Variants in FER1L6 observed in about 807,000 individuals in gnomAD.
The protein encoded by FER1L6 is fer-1-like protein 6.
FER1L6 carries 177 observed loss-of-function variants against 219.2 expected under a neutral mutation model. The observed-to-expected ratio is 0.81, with a 90% confidence interval of 0.71 to 0.91. FER1L6 has a LOEUF of 0.91. FER1L6 is among the 40% of genes least tolerant of loss of function. FER1L6 has a pLI of 0.00. For missense variants in FER1L6, 2,153 were observed against 2,259.9 expected, an observed-to-expected ratio of 0.95 and a Z score of 0.96; for synonymous variants, 768 against 824.3, an observed-to-expected ratio of 0.93 and a Z score of 1.17.
intron 39 of FER1L6, among the ~76,000 whole-genome samples, chr8:124,109,001 C>T (rs1167709535): frequency 2.0e-5 from 3 of 152,116 alleles, no homozygotes; most frequent in Admixed American, 1.3e-4. Flanking sequence ...TGAATTTTCA[C>T]AGGAGATTGT....
At chr8:124,109,838 C>T (rs770002051) in intron 39 of FER1L6, among the ~76,000 whole-genome samples, 2 of 152,148 alleles carry the variant, frequency 1.3e-5, no homozygotes, top group Non-Finnish European at 2.9e-5. Flanking sequence ...GAGAAGCAAC[C>T]GGCAACTGCT....
chr8:123,973,058 T>C (rs1341182549), intron 6 of FER1L6, among the ~76,000 whole-genome samples: 1 of 151,938 alleles, frequency 6.6e-6, no homozygotes, highest in East Asian at 1.9e-4. Flanking sequence ...GTTGCAGGAG[T>C]TTAGCGGAGA....
At chr8:124,084,180 TTTTA>T (rs1038179518) in intron 33 of FER1L6, among the ~76,000 whole-genome samples, 8 of 152,014 alleles carry the variant, frequency 5.3e-5, no homozygotes, top group Non-Finnish European at 1.0e-4. Context: ...GTTTTTTTTT[TTTTA>T]AATATAAGAT....
intron 1 of FER1L6, among the ~76,000 whole-genome samples, chr8:123,866,954 T>G (rs2130268075): frequency 6.6e-6 from 1 of 152,370 alleles, no homozygotes; most frequent in South Asian, 2.1e-4. Context: ...ATTGAGTTCC[T>G]CATATATTTT....
At chr8:123,871,763 G>A (rs554550265) in intron 1 of FER1L6, among the ~76,000 whole-genome samples, 2 of 152,208 alleles carry the variant, frequency 1.3e-5, no homozygotes, top group East Asian at 1.9e-4. Context: ...TAAGGGGAGC[G>A]AAAAGAGTCA....
chr8:123,887,284 A>G (rs1817220400), intron 1 of FER1L6, among the ~76,000 whole-genome samples: 1 of 152,134 alleles, frequency 6.6e-6, no homozygotes, highest in Non-Finnish European at 1.5e-5. Flanking sequence ...TCTGTGTGGC[A>G]AGCAGCAGGA....
At chr8:123,906,326 A>G (rs2129751695) in intron 1 of FER1L6, among the ~76,000 whole-genome samples, 1 of 152,226 alleles carries the variant, frequency 6.6e-6, no homozygotes, top group East Asian at 1.9e-4. Flanking sequence ...CTGTTCTAGA[A>G]CGTGGGCTCT....
chr8:124,118,680 G>T (rs1823349622), intron 39 of FER1L6, among the ~76,000 whole-genome samples, 164 bp from the exon 40 acceptor site: 1 of 152,148 alleles, frequency 6.6e-6, no homozygotes, highest in African/African-American at 2.4e-5. Context: ...CATAAAAATG[G>T]CTTCTCCCAG....
In FER1L6 at chr8:124,083,995, G is replaced by A. The variant is rs547702178; in HGVS notation, c.4391+1537G>A. Among the ~76,000 whole-genome samples, 11 of 152,018 alleles carry A rather than the reference G, an allele frequency of 7.2e-5. No homozygotes were observed. The East Asian group carries it at 1.9e-3, about 27-fold the overall frequency. On this transcript the variant is annotated intron_variant, in intron 33 of 40. Transcript: ENST00000522917. ...TTGTAGAGATCTTTTCTCTCTTGAAGTTTATTCCTAGGTATTTTATTTGTA... is the reference window on the plus strand; with the variant it reads ...TTGTAGAGATCTTTTCTCTCTTGAAATTTATTCCTAGGTATTTTATTTGTA...
At chr8:124,088,230 C>T (rs1355338353) in intron 33 of FER1L6, among the ~76,000 whole-genome samples, 5 of 152,110 alleles carry the variant, frequency 3.3e-5, no homozygotes, top group Admixed American at 1.3e-4. Flanking sequence ...TCTACTGTGG[C>T]TGAACTGGCA....
intron 34 of FER1L6, among the ~76,000 whole-genome samples, chr8:124,094,160 T>G (rs934176099): frequency 6.6e-6 from 1 of 152,142 alleles, no homozygotes. Context: ...TCCCTATGGA[T>G]GGACATTGTG....
chr8:123,898,860 C>A (rs1812810258), intron 1 of FER1L6, among the ~76,000 whole-genome samples: 1 of 145,520 alleles, frequency 6.9e-6, no homozygotes. Context: ...CACACACACA[C>A]ACACACACAT....
chr8:123,982,761 C>A (rs1299139875), intron 11 of FER1L6, among the ~76,000 whole-genome samples: 1 of 152,220 alleles, frequency 6.6e-6, no homozygotes, highest in Non-Finnish European at 1.5e-5. Context: ...TTGACTGTGG[C>A]TGGAGAACCC....
rs114284037 is a variant in FER1L6 at position 123,961,245 on chromosome 8, G to A, written c.77-2033G>A. Among the ~76,000 whole-genome samples, 162 of 152,212 alleles carry A rather than the reference G, an allele frequency of 1.1e-3. 1 individual carries two copies. Among genetic ancestry groups the A allele is most frequent in the African/African-American group, 3.7e-3 (153 of 41,536 alleles). ...ACTGCGTCCCAGCTCCAGCCTGGGCGATAGAGTAAGACCCTGTCTCCAAAA... is the reference window on the plus strand; with the variant it reads ...ACTGCGTCCCAGCTCCAGCCTGGGCAATAGAGTAAGACCCTGTCTCCAAAA... On this transcript the variant is annotated intron_variant, in intron 2 of 40. Transcript: ENST00000522917.
chr8:124,045,831 A>C lies in FER1L6; in HGVS notation c.2654A>C (p.His885Pro). The C allele has an allele frequency of 6.2e-7, 1 of 1,614,110 alleles. No homozygotes were observed. Among genetic ancestry groups the C allele is most frequent in the Non-Finnish European group, 8.5e-7 (1 of 1,179,996 alleles). Reference sequence around the variant, plus strand: ...CTGCTGTTCAATGATTTGGTGCTGCATGGAGATGTGAAGGAGCTGGCAGAG... The same window carrying C: ...CTGCTGTTCAATGATTTGGTGCTGCCTGGAGATGTGAAGGAGCTGGCAGAG... ...QMLLFNDLVL[H>P]GDVKELAESP... is the part of the protein sequence containing the mutation. Residue 885 changes from histidine to proline, a missense_variant, in exon 21 of 41, where the codon CAT (histidine) becomes CCT (proline). His to Pro is a moderately conservative substitution (Grantham distance 77). Transcript: ENST00000522917.
chr8:124,049,192 T>A (rs1819880682), intron 21 of FER1L6, among the ~76,000 whole-genome samples: 1 of 151,980 alleles, frequency 6.6e-6, no homozygotes, highest in Non-Finnish European at 1.5e-5. Context: ...GGACTACAGG[T>A]GTGCACCACC....
chr8:123,965,928 A>T, intron 3 of FER1L6, 79 bp from the exon 4 acceptor site: 1 of 1,250,808 alleles, frequency 8.0e-7, no homozygotes. Context: ...AAGGACTTAG[A>T]AATACTTTGG....
At chr8:123,960,514 C>T (rs993496675) in intron 2 of FER1L6, among the ~76,000 whole-genome samples, 15 of 152,150 alleles carry the variant, frequency 9.9e-5, no homozygotes, top group Non-Finnish European at 1.5e-4. Flanking sequence ...CCTATCCTTC[C>T]TAGACTAGTG....
At position 123,856,324 on chromosome 8, in the gene FER1L6, A is replaced by G. The variant is rs1254109877; in HGVS notation, c.-8+4139A>G. Among the ~76,000 whole-genome samples the G allele has an allele frequency of 2.3e-3, 209 of 92,646 alleles. 2 individuals are homozygous for G. Among genetic ancestry groups the G allele is most frequent in the Middle Eastern group, 6.3e-3 (1 of 158 alleles). The allele number at this position is 92,646 out of a possible 152,430, so 60.8% of individuals were successfully genotyped here. A position where few individuals can be genotyped will look rare whatever the true frequency, so the allele number is the denominator to read the frequency against. ...TATATATATATGTATGTGTATATAT[A>G]TATATATATATATATATATATATAT... On this transcript the variant is annotated intron_variant, in intron 1 of 40. Coordinates refer to ENST00000522917, the MANE Select transcript of FER1L6 (RefSeq NM_001039112.2).
Sources: allele counts gnomAD v4.1 joint callset (sites outside exome capture counted in the v4.1 genomes callset), GRCh38; gene constraint gnomAD v4.1.1; transcripts MANE v1.5; gene names NCBI Gene and HGNC (gene_info 2026-07-23, HGNC 2026-07-21).